Variants in WDFY1 observed in about 807,000 individuals in gnomAD.
WDFY1 encodes the protein WD repeat and FYVE domain-containing protein 1.
Under a neutral mutation model 56.4 loss-of-function variants are expected in WDFY1, and 32 were observed. The ratio of observed to expected loss-of-function variants is 0.57; its 90% confidence interval spans 0.43 to 0.76. The LOEUF is 0.76. Among genes scored for constraint, WDFY1 ranks in the 30% least tolerant of loss-of-function variants. The probability of loss-of-function intolerance (pLI) is 0.00; values close to 1 mark genes in which losing one functional copy is unlikely to be tolerated. For synonymous variants in WDFY1, 192 were observed against 197.3 expected (o/e 0.97, Z 0.23); for missense variants, 480 against 545.7 (o/e 0.88, Z 1.20).
At chr2:223,880,489 C>A (rs764891306) in intron 10 of WDFY1, among the ~76,000 whole-genome samples, 1 of 151,854 alleles carries the variant, frequency 6.6e-6, no homozygotes, top group African/African-American at 2.4e-5. Flanking sequence ...CGCCTGTAAT[C>A]CCAGCTACTC....
At chr2:223,939,457 C>T (rs1265628092) in intron 1 of WDFY1, among the ~76,000 whole-genome samples, 2 of 152,120 alleles carry the variant, frequency 1.3e-5, no homozygotes, top group Non-Finnish European at 2.9e-5. Flanking sequence ...AGTATTAGTC[C>T]GTTTTCACAC....
Position 223,880,242 on chromosome 2 carries a change from G to A in WDFY1, c.1065-10C>T, listed in dbSNP as rs1249071108. The stretch of plus-strand genomic sequence containing the variant: ...CGCTAGAGAAGTCCGACTAACAAGA[G>A]AAAAGAGATCACTGAAAATTTACTT... On this transcript the variant is annotated splice_polypyrimidine_tract_variant and intron_variant, in intron 10 of 11. Coordinates refer to ENST00000233055, the MANE Select transcript of WDFY1 (RefSeq NM_020830.5). 2.5e-6 allele frequency: 4 copies of A among 1,612,542 alleles called. No individual in the cohort carries two copies. The highest frequency in any genetic ancestry group is 1.3e-5 in the African/African-American group (1 of 74,864).
At chr2:223,886,994 G>A (rs986332767) in intron 8 of WDFY1, among the ~76,000 whole-genome samples, 4 of 152,058 alleles carry the variant, frequency 2.6e-5, no homozygotes, top group Admixed American at 2.6e-4. Flanking sequence ...GGTGCAGAAG[G>A]CACTCACAAG....
chr2:223,897,390 A>ATATTTTTTTTT (rs1461451983), intron 6 of WDFY1, among the ~76,000 whole-genome samples: 2 of 125,992 alleles, frequency 1.6e-5, no homozygotes, highest in African/African-American at 3.0e-5. Flanking sequence ...ATATATATAT[A>ATATTTTTTTTT]TTTTTTAAGA....
At chr2:223,884,840 G>A in intron 8 of WDFY1, 91 bp from the exon 9 acceptor site, 2 of 1,114,944 alleles carry the variant, frequency 1.8e-6, no homozygotes, top group South Asian at 2.8e-5. Flanking sequence ...ACCTTGCCAA[G>A]GTTAGTATTT....
At chr2:223,882,800 T>C (rs1693096937) in intron 9 of WDFY1, among the ~76,000 whole-genome samples, 1 of 152,048 alleles carries the variant, frequency 6.6e-6, no homozygotes, top group South Asian at 2.1e-4. Context: ...GGCATACAGC[T>C]CACTGCGGCC....
At position 223,877,595 on chromosome 2, in the gene WDFY1, G is replaced by A. The variant is rs1447355744; in HGVS notation, c.*1076C>T. ...TGTTAGGAAAGCAATTTATGAGTTGGGAATTATTGTGGAAGACTTGATGGA... is the reference window on the plus strand; with the variant it reads ...TGTTAGGAAAGCAATTTATGAGTTGAGAATTATTGTGGAAGACTTGATGGA... On this transcript the variant is annotated 3_prime_UTR_variant, in exon 12 of 12. Transcript: ENST00000233055. The A allele has an allele frequency of 2.6e-5, 4 of 152,150 alleles. No individual in the cohort carries two copies. Among genetic ancestry groups the A allele is most frequent in the South Asian group, 2.1e-4 (1 of 4,824 alleles). 9.4% of individuals were successfully genotyped at this position (152,150 alleles called of 1,614,324 possible). A position where few individuals can be genotyped will look rare whatever the true frequency, so the allele number is the denominator to read the frequency against.
At chr2:223,890,502 TAA>T (rs1260534366) in intron 8 of WDFY1, among the ~76,000 whole-genome samples, 5 of 152,214 alleles carry the variant, frequency 3.3e-5, no homozygotes, top group African/African-American at 4.8e-5. Flanking sequence ...TATTTTAATA[TAA>T]GAGATACCCC....
At chr2:223,923,588 T>C (rs902819384) in intron 1 of WDFY1, among the ~76,000 whole-genome samples, 4 of 151,994 alleles carry the variant, frequency 2.6e-5, no homozygotes, top group African/African-American at 9.7e-5. Flanking sequence ...GGTGAAACCC[T>C]GTCTCTACTA....
At chr2:223,944,295 G>A (rs1437269081) in intron 1 of WDFY1, among the ~76,000 whole-genome samples, 5 of 152,250 alleles carry the variant, frequency 3.3e-5, no homozygotes, top group Non-Finnish European at 7.3e-5. Flanking sequence ...GCTTCCAGAG[G>A]AGACGATTTG....
chr2:223,921,596 G>C (rs1693885972), intron 1 of WDFY1, among the ~76,000 whole-genome samples: 1 of 151,890 alleles, frequency 6.6e-6, no homozygotes, highest in Non-Finnish European at 1.5e-5. Flanking sequence ...ATATTTTAAA[G>C]ATTTTTTTTT....
intron 1 of WDFY1, among the ~76,000 whole-genome samples, chr2:223,924,858 A>G (rs1693951806): frequency 1.4e-5 from 2 of 139,982 alleles, no homozygotes; most frequent in Admixed American, 1.5e-4. Context: ...GGGCTCTCAT[A>G]CTTCTTTGTC....
At chr2:223,931,387 T>C (rs1694069589) in intron 1 of WDFY1, among the ~76,000 whole-genome samples, 1 of 152,234 alleles carries the variant, frequency 6.6e-6, no homozygotes, top group Non-Finnish European at 1.5e-5. Flanking sequence ...ACCACAGTTA[T>C]GATTAAGAAT....
chr2:223,931,452 G>C (rs901025433), intron 1 of WDFY1, among the ~76,000 whole-genome samples: 1 of 152,138 alleles, frequency 6.6e-6, no homozygotes, highest in Non-Finnish European at 1.5e-5. Flanking sequence ...TATGCCTGAT[G>C]ATCATAATAA....
At chr2:223,903,202 C>G (rs1693533175) in intron 4 of WDFY1, among the ~76,000 whole-genome samples, 1 of 152,114 alleles carries the variant, frequency 6.6e-6, no homozygotes, top group Non-Finnish European at 1.5e-5. Flanking sequence ...CACAAGAAAC[C>G]TATGCTGCCT....
intron 5 of WDFY1, among the ~76,000 whole-genome samples, chr2:223,899,887 A>G (rs1182220378): frequency 2.0e-5 from 3 of 152,240 alleles, no homozygotes; most frequent in Admixed American, 6.5e-5. Context: ...CAAGACATGA[A>G]TCCATGTTTC....
intron 1 of WDFY1, among the ~76,000 whole-genome samples, chr2:223,940,945 C>A (rs1156426428): frequency 6.6e-6 from 1 of 152,216 alleles, no homozygotes; most frequent in Admixed American, 6.5e-5. Context: ...GCCTCAGCCT[C>A]CCAAGTAGCT....
At chr2:223,941,550 C>A (rs1689306253) in intron 1 of WDFY1, among the ~76,000 whole-genome samples, 2 of 152,012 alleles carry the variant, frequency 1.3e-5, no homozygotes, top group Non-Finnish European at 2.9e-5. Context: ...GCCCAAAGAG[C>A]CTCCTCTTCC....
At chr2:223,899,669 C>T (rs552509685) in intron 5 of WDFY1, among the ~76,000 whole-genome samples, 1 of 152,118 alleles carries the variant, frequency 6.6e-6, no homozygotes, top group Middle Eastern at 3.4e-3. Flanking sequence ...CAGCTTGAAC[C>T]CAGGAGGCAG....
Sources: gnomAD v4.1 joint callset for allele counts (sites outside exome capture counted in the v4.1 genomes callset) on GRCh38, gnomAD v4.1.1 for gene constraint, MANE v1.5 for transcripts, NCBI Gene and HGNC (gene_info 2026-07-23, HGNC 2026-07-21) for gene names.